The following KCNU1 variants were observed in gnomAD, a reference collection of about 807,000 sequenced individuals.
KCNU1 encodes the protein potassium calcium-activated channel subfamily U member 1, also known as potassium channel subfamily U member 1.
A neutral mutation model predicts 126.8 loss-of-function variants in KCNU1; 93 were observed. That is an observed-to-expected ratio of 0.73 (90% confidence interval 0.62 to 0.87). The LOEUF is 0.87. KCNU1 is among the 40% of genes least tolerant of loss of function. KCNU1 has a pLI of 0.00. For missense variants in KCNU1, 1,330 were observed against 1,367.1 expected, an observed-to-expected ratio of 0.97 and a Z score of 0.43; for synonymous variants, 523 against 494.2, an observed-to-expected ratio of 1.06 and a Z score of -0.77.
At chr8:36,858,176 CAAAAAAAAAAAA>C (rs67265944) in intron 18 of KCNU1, among the ~76,000 whole-genome samples, 1 of 73,036 alleles carries the variant, frequency 1.4e-5, no homozygotes, top group Non-Finnish European at 2.4e-5. Flanking sequence ...TCAAGGATGG[CAAAAAAAAAAAA>C]AAAAAAAAAA....
At chr8:36,801,408 G>T (rs905621379) in intron 2 of KCNU1, among the ~76,000 whole-genome samples, 1 of 149,236 alleles carries the variant, frequency 6.7e-6, no homozygotes, top group African/African-American at 2.5e-5. Flanking sequence ...TTGGGTTTGT[G>T]GTATTCAATT....
intron 16 of KCNU1, among the ~76,000 whole-genome samples, chr8:36,843,575 A>T (rs1805033008): frequency 6.6e-6 from 1 of 152,210 alleles, no homozygotes; most frequent in South Asian, 2.1e-4. Context: ...CAGAGCCAGG[A>T]TCTGAACTCA....
chr8:36,917,176 G>T (rs1258568907), intron 22 of KCNU1, among the ~76,000 whole-genome samples: 2 of 152,114 alleles, frequency 1.3e-5, no homozygotes, highest in Admixed American at 6.5e-5. Context: ...CTTCTAAGCA[G>T]CAGGGAATCT....
At chr8:36,784,658 G>A (rs1415507029) in intron 1 of KCNU1, 53 bp downstream of exon 1, 1 of 1,347,716 alleles carries the variant, frequency 7.4e-7, no homozygotes, top group African/African-American at 1.5e-5. Context: ...TGAGTTTGGG[G>A]TAGTTTTGTG....
chr8:36,925,472 A>G (rs748044228), intron 24 of KCNU1, among the ~76,000 whole-genome samples: 15 of 152,194 alleles, frequency 9.9e-5, no homozygotes, highest in South Asian at 2.1e-4. Context: ...ACACACTGTA[A>G]CACTATTTAA....
At chr8:36,796,185 G>C (rs954716079) in intron 2 of KCNU1, among the ~76,000 whole-genome samples, 1 of 152,014 alleles carries the variant, frequency 6.6e-6, no homozygotes, top group Non-Finnish European at 1.5e-5. Flanking sequence ...CACTTTCCTC[G>C]AATTGAGGGG....
At chr8:36,831,653 ATAT>A (rs1804553436) in intron 10 of KCNU1, among the ~76,000 whole-genome samples, 3 of 147,036 alleles carry the variant, frequency 2.0e-5, no homozygotes, top group African/African-American at 7.6e-5. Flanking sequence ...TAGATTCTGG[ATAT>A]TAGCCCTTTG....
At chr8:36,912,215 G>A (rs893031891) in intron 22 of KCNU1, among the ~76,000 whole-genome samples, 2 of 152,164 alleles carry the variant, frequency 1.3e-5, no homozygotes, top group Admixed American at 6.5e-5. Flanking sequence ...AATGGCTGTC[G>A]ATAACAATGT....
intron 10 of KCNU1, among the ~76,000 whole-genome samples, chr8:36,819,667 G>C (rs560632287): frequency 6.6e-6 from 1 of 152,014 alleles, no homozygotes; most frequent in Non-Finnish European, 1.5e-5. Flanking sequence ...TTCCCACTCA[G>C]AGAGACAGTC....
intron 2 of KCNU1, among the ~76,000 whole-genome samples, chr8:36,796,210 T>A (rs943015297): frequency 6.6e-6 from 1 of 152,210 alleles, no homozygotes; most frequent in African/African-American, 2.4e-5. Flanking sequence ...CGATTGGGGA[T>A]AGAGTGGCTA....
At chr8:36,900,461 A>C (rs528122242) in intron 19 of KCNU1, among the ~76,000 whole-genome samples, 1 of 152,268 alleles carries the variant, frequency 6.6e-6, no homozygotes, top group East Asian at 1.9e-4. Context: ...GATTAGGCTC[A>C]GTTTTTAATA....
chr8:36,880,944 A>G (rs998952162), intron 19 of KCNU1, among the ~76,000 whole-genome samples: 3 of 152,178 alleles, frequency 2.0e-5, no homozygotes, highest in Admixed American at 2.0e-4. Context: ...GGGATGGGAC[A>G]TGAAGGATTC....
chr8:36,837,632 A>G (rs1804799591), intron 14 of KCNU1, among the ~76,000 whole-genome samples: 1 of 152,208 alleles, frequency 6.6e-6, no homozygotes, highest in Non-Finnish European at 1.5e-5. Context: ...TTATTTCCAC[A>G]CAATGTCTCA....
intron 19 of KCNU1, among the ~76,000 whole-genome samples, chr8:36,879,036 C>A (rs1283509743): frequency 2.7e-5 from 4 of 147,874 alleles, no homozygotes; most frequent in African/African-American, 9.8e-5. Flanking sequence ...GCTGAAGTCA[C>A]TTTCTCAGAT....
In KCNU1 at chr8:36,877,128, G is replaced by A. The variant is rs192002526; in HGVS notation, c.2009+12607G>A. The stretch of plus-strand genomic sequence containing the variant: ...AGCAAAAATGAAGGGCAAAGCAGAC[G>A]ATCCAGTGAACCCAGCAGGGGCTGC... On this transcript the variant is annotated intron_variant, in intron 19 of 26. Transcript: ENST00000399881. Among the ~76,000 whole-genome samples the A allele has an allele frequency of 5.7e-4, 87 of 152,284 alleles. 1 individual carries two copies. In the Middle Eastern group the frequency reaches 0.031, roughly 54 times the overall value.
intron 16 of KCNU1, among the ~76,000 whole-genome samples, chr8:36,842,266 A>G (rs1331806914): frequency 6.6e-6 from 1 of 152,228 alleles, no homozygotes; most frequent in Admixed American, 6.5e-5. Context: ...ATAATTTTCA[A>G]TTATATCAGG....
rs573710999 is a variant in KCNU1, at chr8:36,932,973, C to A, written c.2985C>A (p.Ile995=). 1.3e-6 allele frequency: 2 copies of A among 1,577,176 alleles called. No individual in the cohort carries two copies. Among genetic ancestry groups the A allele is most frequent in the East Asian group, 2.3e-5 (1 of 43,650 alleles). ...LFCGSLDLFG[I]LCVGLYRIID... ...GTGGCTCATTAGATCTTTTTGGAAT[C>A]CTGTGTGTTGGCTTATACCGAATAA... Residue 995 remains isoleucine (I), a synonymous_variant, in exon 26 of 27, where the codon ATC becomes ATA. Coordinates refer to ENST00000399881, the MANE Select transcript of KCNU1 (RefSeq NM_001031836.3).
intron 19 of KCNU1, among the ~76,000 whole-genome samples, chr8:36,895,408 G>C (rs922187210): frequency 6.6e-6 from 1 of 151,966 alleles, no homozygotes; most frequent in African/African-American, 2.4e-5. Flanking sequence ...CCTGGATCAA[G>C]ATTAAAATGT....
intron 10 of KCNU1, 53 bp from the exon 11 acceptor site, chr8:36,833,501 C>G (rs889741368): frequency 2.9e-6 from 3 of 1,048,094 alleles, no homozygotes; most frequent in East Asian, 2.4e-5. Context: ...ACCTCTAAAC[C>G]CAGAGTCAAT....
Sources: allele counts gnomAD v4.1 joint callset (sites outside exome capture counted in the v4.1 genomes callset), GRCh38; gene constraint gnomAD v4.1.1; transcripts MANE v1.5; gene names NCBI Gene and HGNC (gene_info 2026-07-23, HGNC 2026-07-21).